The following GABRR1 variants were observed in gnomAD, a reference collection of about 807,000 sequenced individuals.
GABRR1 encodes gamma-aminobutyric acid receptor subunit rho-1.
Under a neutral mutation model 55.5 loss-of-function variants are expected in GABRR1, and 59 were observed. The ratio of observed to expected loss-of-function variants is 1.06; its 90% CI spans 0.86 to 1.32. The LOEUF is 1.32. Ranked by LOEUF, GABRR1 falls within the 40% of genes most tolerant of loss-of-function variation. The pLI is 0.00. For synonymous variants in GABRR1, 213 were observed against 226.0 expected, an observed-to-expected ratio of 0.94 and a Z score of 0.51; for missense variants, 602 against 619.1, an observed-to-expected ratio of 0.97 and a Z score of 0.29.
At chr6:89,199,337 C>T (rs754036460) in intron 4 of GABRR1, 25 bp downstream of exon 4, 48 of 1,609,534 alleles carry the variant, frequency 3.0e-5, no homozygotes, top group South Asian at 2.6e-4. Flanking sequence ...CCCCCTGCCA[C>T]GGCCCTGGTC....
At chr6:89,230,796 T>C (rs914881221) in intron 1 of GABRR1, among the ~76,000 whole-genome samples, 6 of 151,714 alleles carry the variant, frequency 4.0e-5, no homozygotes, top group African/African-American at 1.5e-4. Context: ...TCCACCCAGT[T>C]CGAGCTTCCC....
chr6:89,192,856 G>A (rs762952594), intron 5 of GABRR1, among the ~76,000 whole-genome samples: 16 of 152,078 alleles, frequency 1.1e-4, no homozygotes, highest in African/African-American at 1.7e-4. Context: ...CACCATGCCC[G>A]GCCTCATTGA....
In GABRR1 at chr6:89,192,950, A is replaced by T. The variant is rs537674985; in HGVS notation, c.573-2703T>A. Among the ~76,000 whole-genome samples, 3 of 152,342 alleles carry T rather than the reference A, an allele frequency of 2.0e-5. No individual in the cohort carries two copies. The South Asian group carries it at 6.2e-4, about 32-fold the overall frequency. On this transcript the variant is annotated intron_variant, in intron 5 of 9. Coordinates refer to ENST00000454853, the MANE Select transcript of GABRR1 (RefSeq NM_002042.5). ...ATTACCTTAGTAAAATCTACCAAGC[A>T]TAATAGAGTATCTCACTTGTGGATT...
At position 89,186,625 on chromosome 6, in the gene GABRR1, T is replaced by G. The variant is rs1282190413; in HGVS notation, c.656-1175A>C. Among the ~76,000 whole-genome samples, 9 of 152,378 alleles carry G rather than the reference T, an allele frequency of 5.9e-5. No individual in the cohort carries two copies. In the East Asian group the frequency reaches 1.7e-3, roughly 29 times the overall value. ...TGATACAACCTGAAAAAAGGCTACATTCCAGATGGAGGCAGAAGCTGCCCA... is the reference window on the plus strand; with the variant it reads ...TGATACAACCTGAAAAAAGGCTACAGTCCAGATGGAGGCAGAAGCTGCCCA... On this transcript the variant is annotated intron_variant, in intron 6 of 9. Coordinates refer to ENST00000454853, the MANE Select transcript of GABRR1 (RefSeq NM_002042.5).
chr6:89,213,183 T>C (rs887104115), intron 1 of GABRR1, among the ~76,000 whole-genome samples: 11 of 152,160 alleles, frequency 7.2e-5, no homozygotes. Context: ...CTCTGGGGCA[T>C]GTAAGCACCT....
chr6:89,191,836 A>G (rs936726490), intron 5 of GABRR1, among the ~76,000 whole-genome samples: 2 of 152,066 alleles, frequency 1.3e-5, no homozygotes, highest in African/African-American at 4.8e-5. Flanking sequence ...ATCAGCTTCA[A>G]AGTTCATTCA....
chr6:89,222,086 A>C (rs1773122864), upstream of GABRR1, among the ~76,000 whole-genome samples: 1 of 152,168 alleles, frequency 6.6e-6, no homozygotes, highest in Admixed American at 6.5e-5. Context: ...GAAGACATGA[A>C]AAGCAAGCAA....
Position 89,178,285 on chromosome 6 carries a change from G to A in GABRR1, c.*485C>T, listed in dbSNP as rs904546847. On this transcript the variant is annotated 3_prime_UTR_variant, in exon 10 of 10. Transcript: ENST00000454853. ...GGAGGTGGAGTCGCATACAAAATAG[G>A]TAATAGGTTATAAACTGAAGCATGA... 6.3e-6 allele frequency: 1 copy of A among 159,634 alleles called. No homozygotes were observed. The highest frequency in any genetic ancestry group is 1.4e-5 in the Non-Finnish European group (1 of 72,130). 9.9% of individuals were successfully genotyped at this position (159,634 alleles called of 1,614,324 possible). A position where few individuals can be genotyped will look rare whatever the true frequency, so the allele number is the denominator to read the frequency against.
intron 5 of GABRR1, among the ~76,000 whole-genome samples, chr6:89,191,186 G>A (rs1274665875): frequency 2.6e-5 from 4 of 152,182 alleles, no homozygotes; most frequent in African/African-American, 9.7e-5. Flanking sequence ...TGCTTTGAGG[G>A]TGGAATGGTT....
In GABRR1 at chr6:89,178,873, A is replaced by AC; in HGVS notation, c.1336dup (p.Val446GlyfsTer11). ...GGCGTGGGTGTCGATTCTCATGCTC[A>AC]CATAGCTGCTTCTCTGACTTTTCCT... On this transcript the variant is annotated frameshift_variant, in exon 10 of 10. Transcript: ENST00000454853. LOFTEE classifies it high-confidence loss of function. 1 of 1,614,158 alleles carries AC rather than the reference A, an allele frequency of 6.2e-7. No homozygotes were observed. The highest frequency in any genetic ancestry group is 8.5e-7 in the Non-Finnish European group (1 of 1,180,022).
intron 6 of GABRR1, among the ~76,000 whole-genome samples, chr6:89,189,582 A>G (rs1772021705): frequency 6.8e-6 from 1 of 146,224 alleles, no homozygotes. Context: ...TAGTGGGTGC[A>G]GCGCACCAGC....
intron 5 of GABRR1, among the ~76,000 whole-genome samples, chr6:89,190,835 T>C (rs1395495860): frequency 6.6e-6 from 1 of 152,244 alleles, no homozygotes; most frequent in Admixed American, 6.5e-5. Flanking sequence ...ACTGTGTTAA[T>C]AGGCAAGCAC....
intron 1 of GABRR1, among the ~76,000 whole-genome samples, chr6:89,230,783 G>C (rs1299343962): frequency 6.6e-6 from 1 of 151,738 alleles, no homozygotes; most frequent in African/African-American, 2.4e-5. Flanking sequence ...AGCTGTGGTG[G>C]GCTCCACCCA....
At chr6:89,223,847 T>C (rs1773152841) in intron 1 of GABRR1, among the ~76,000 whole-genome samples, 1 of 147,664 alleles carries the variant, frequency 6.8e-6, no homozygotes, top group African/African-American at 2.5e-5. Context: ...CACTGCAACC[T>C]CTGCCTCCTG....
chr6:89,196,622 A>T (rs1005323699), intron 5 of GABRR1, among the ~76,000 whole-genome samples: 4 of 152,008 alleles, frequency 2.6e-5, no homozygotes, highest in Non-Finnish European at 5.9e-5. Flanking sequence ...ATAATTTTTT[A>T]AAAAATTAGC....
rs79494670 is a variant in GABRR1 at position 89,195,821 on chromosome 6, A to G, written c.572+2199T>C. On this transcript the variant is annotated intron_variant, in intron 5 of 9. Transcript: ENST00000454853. ...GTGTGCTGCCATGAATTTCTTCCTA[A>G]TTCTGCATTTAGTGACATCAGGTGG... Among the ~76,000 whole-genome samples, 829 of 152,306 alleles carry G rather than the reference A, an allele frequency of 5.4e-3. 9 individuals carry two copies. The highest frequency in any genetic ancestry group is 0.019 in the African/African-American group (802 of 41,574).
chr6:89,199,398 C>A lies in GABRR1; in HGVS notation c.312G>T (p.Gln104His), dbSNP rs965103034. 3.7e-6 allele frequency: 6 copies of A among 1,613,956 alleles called. No individual in the cohort carries two copies. Residue 104 changes from glutamine (Q) to histidine (H), a missense_variant, in exon 4 of 10, where the codon CAG (glutamine) becomes CAT (histidine). Transcript: ENST00000454853. Reference sequence around the variant, plus strand: ...CTGAGATGCTATCCAAACTCTCCACCTGCACATCCACACCAACAGGAATGG... The same window carrying A: ...CTGAGATGCTATCCAAACTCTCCACATGCACATCCACACCAACAGGAATGG... ...GPAIPVGVDV[Q>H]VESLDSISEV...
At chr6:89,189,691 T>C (rs1438878423) in intron 6 of GABRR1, among the ~76,000 whole-genome samples, 1 of 150,934 alleles carries the variant, frequency 6.6e-6, no homozygotes, top group Non-Finnish European at 1.5e-5. Flanking sequence ...GTTATGGCAA[T>C]GAAGGTTTTA....
rs1276810547 is a variant in GABRR1 at position 89,212,101 on chromosome 6, C to T, written c.122+5100G>A. On this transcript the variant is annotated intron_variant, in intron 1 of 9. Coordinates refer to ENST00000454853, the MANE Select transcript of GABRR1 (RefSeq NM_002042.5). ...CCATATGTTCATACCAAACTCATCA[C>T]CTTCACCCCCAAACCTAATCCTCCA... 7 of 582,160 alleles carry T rather than the reference C, an allele frequency of 1.2e-5. 2 individuals carry two copies. Among genetic ancestry groups the T allele is most frequent in the Non-Finnish European group, 1.4e-5 (7 of 512,236 alleles). 36.1% of individuals were successfully genotyped at this position (582,160 alleles called of 1,614,324 possible).
Sources: gnomAD v4.1 joint callset for allele counts (sites outside exome capture counted in the v4.1 genomes callset) on GRCh38, gnomAD v4.1.1 for gene constraint, MANE v1.5 for transcripts, NCBI Gene and HGNC (gene_info 2026-07-23, HGNC 2026-07-21) for gene names.